GUCY1A2: variants seen among roughly 807,000 people sequenced by gnomAD.
GUCY1A2 encodes the protein guanylate cyclase soluble subunit alpha-2.
A neutral mutation model predicts 63.5 loss-of-function variants in GUCY1A2; 27 were observed. The ratio of observed to expected loss-of-function variants is 0.43; its 90% confidence interval spans 0.31 to 0.59. The LOEUF (loss-of-function observed/expected upper bound fraction) is 0.59. Among genes scored for constraint, GUCY1A2 ranks in the 20% least tolerant of loss-of-function variants. The pLI, the probability that GUCY1A2 is intolerant of heterozygous loss-of-function variation, is 0.11. For missense variants in GUCY1A2, 768 were observed against 913.3 expected, an observed-to-expected ratio of 0.84 and a Z score of 2.05; for synonymous variants, 364 against 343.5, an observed-to-expected ratio of 1.06 and a Z score of -0.66.
rs1858835995 is a variant in GUCY1A2 at position 106,816,633 on chromosome 11, G to C, written c.1207-6155C>G. Among the ~76,000 whole-genome samples, 3 of 150,932 alleles carry C rather than the reference G, an allele frequency of 2.0e-5. No individual in the cohort carries two copies. The South Asian group carries it at 6.3e-4, about 32-fold the overall frequency. On this transcript the variant is annotated intron_variant, in intron 4 of 7. Coordinates refer to ENST00000526355, the MANE Select transcript of GUCY1A2 (RefSeq NM_000855.3). ...GAGGTAATCAATGAAATTACAAACAGGAAAACAATAAAGAAAATGAGCAAA... is the reference window on the plus strand; with the variant it reads ...GAGGTAATCAATGAAATTACAAACACGAAAACAATAAAGAAAATGAGCAAA...
At chr11:107,011,290 C>T (rs1050777316) in intron 1 of GUCY1A2, among the ~76,000 whole-genome samples, 1 of 151,908 alleles carries the variant, frequency 6.6e-6, no homozygotes, top group Non-Finnish European at 1.5e-5. Flanking sequence ...AATGACAGTG[C>T]ATTTATTTTC....
intron 6 of GUCY1A2, among the ~76,000 whole-genome samples, chr11:106,710,179 T>TTATA (rs1204668872): frequency 1.9e-4 from 4 of 21,084 alleles, no homozygotes; most frequent in Admixed American, 1.7e-3. Context: ...TATAATATAG[T>TTATA]TATATATATA....
At chr11:106,703,257 A>G (rs968331622) in intron 7 of GUCY1A2, among the ~76,000 whole-genome samples, 6 of 152,108 alleles carry the variant, frequency 3.9e-5, no homozygotes, top group Non-Finnish European at 7.4e-5. Context: ...ACTCCTTAAT[A>G]AACTCCCCTT....
intron 4 of GUCY1A2, among the ~76,000 whole-genome samples, chr11:106,912,798 G>A (rs553589384): frequency 5.9e-5 from 9 of 152,200 alleles, no homozygotes; most frequent in Non-Finnish European, 1.2e-4. Flanking sequence ...GCCCTTTAAT[G>A]AAACCTTCTG....
At chr11:106,813,750 G>T (rs1003166772) in intron 4 of GUCY1A2, among the ~76,000 whole-genome samples, 1 of 152,036 alleles carries the variant, frequency 6.6e-6, no homozygotes, top group African/African-American at 2.4e-5. Context: ...CAAAGCCTCG[G>T]TTTCCTTATC....
At chr11:106,850,515 C>G (rs369324848) in intron 4 of GUCY1A2, among the ~76,000 whole-genome samples, 157 of 151,850 alleles carry the variant, frequency 1.0e-3, no homozygotes, top group African/African-American at 3.6e-3. Flanking sequence ...ATCCCCTACT[C>G]TTCCCAACCT....
At chr11:106,923,585 AT>A (rs5794505) in intron 4 of GUCY1A2, among the ~76,000 whole-genome samples, 25 of 152,116 alleles carry the variant, frequency 1.6e-4, no homozygotes, top group African/African-American at 5.1e-4. Context: ...TATTGCAGCA[AT>A]TTTTTTTAAA....
In GUCY1A2 at chr11:106,949,710, C is replaced by T. The variant is rs1335857211; in HGVS notation, c.488-9532G>A. ...TTGAAGAAGAAAAAGGAAATGTCAA[C>T]TAGGCCACCAAAAAAGAGTAGATAG... On this transcript the variant is annotated intron_variant, in intron 3 of 7. Transcript: ENST00000526355. Among the ~76,000 whole-genome samples, 3 of 152,140 alleles carry T rather than the reference C, an allele frequency of 2.0e-5. No homozygotes were observed. In the East Asian group the frequency reaches 5.8e-4, roughly 29 times the overall value.
chr11:106,964,296 T>C (rs1861098765), intron 3 of GUCY1A2, among the ~76,000 whole-genome samples: 1 of 152,232 alleles, frequency 6.6e-6, no homozygotes, highest in Admixed American at 6.5e-5. Context: ...TTTAGTTTCC[T>C]TTCTTCAAGA....
intron 1 of GUCY1A2, among the ~76,000 whole-genome samples, chr11:106,987,525 G>A (rs1360977094): frequency 3.9e-5 from 6 of 152,072 alleles, no homozygotes; most frequent in Non-Finnish European, 5.9e-5. Flanking sequence ...GGTGGTACAT[G>A]CCTGTAGTCC....
chr11:106,994,200 G>T (rs1861506455), intron 1 of GUCY1A2, among the ~76,000 whole-genome samples: 1 of 152,054 alleles, frequency 6.6e-6, no homozygotes, highest in Admixed American at 6.5e-5. Flanking sequence ...AAACCACAGT[G>T]GTTATCATCA....
At chr11:106,873,488 T>C (rs1426816710) in intron 4 of GUCY1A2, among the ~76,000 whole-genome samples, 1 of 152,308 alleles carries the variant, frequency 6.6e-6, no homozygotes, top group Admixed American at 6.5e-5. Flanking sequence ...GGTATCTCAG[T>C]GTGGTTTTGA....
At chr11:106,798,358 C>A (rs1180689362) in intron 5 of GUCY1A2, among the ~76,000 whole-genome samples, 1 of 152,144 alleles carries the variant, frequency 6.6e-6, no homozygotes, top group Non-Finnish European at 1.5e-5. Flanking sequence ...GGTACCATTC[C>A]TTCTGAAACT....
At chr11:106,843,905 A>G (rs1859235550) in intron 4 of GUCY1A2, among the ~76,000 whole-genome samples, 1 of 151,858 alleles carries the variant, frequency 6.6e-6, no homozygotes, top group Non-Finnish European at 1.5e-5. Flanking sequence ...GTTGACTCTC[A>G]CCACCATAGG....
intron 6 of GUCY1A2, among the ~76,000 whole-genome samples, chr11:106,774,293 G>A (rs1864315905): frequency 6.6e-6 from 1 of 151,758 alleles, no homozygotes; most frequent in South Asian, 2.1e-4. Context: ...CACCACACCT[G>A]GCTAATTTTT....
At chr11:106,751,854 G>T (rs538421829) in intron 6 of GUCY1A2, among the ~76,000 whole-genome samples, 1 of 151,940 alleles carries the variant, frequency 6.6e-6, no homozygotes, top group East Asian at 1.9e-4. Context: ...ATTAACAAAC[G>T]TATATCAGGA....
intron 4 of GUCY1A2, among the ~76,000 whole-genome samples, chr11:106,893,355 A>G (rs1001568423): frequency 2.0e-5 from 3 of 152,214 alleles, no homozygotes; most frequent in African/African-American, 7.2e-5. Context: ...ACAAAATTTC[A>G]TGGAAGGAAA....
At chr11:106,831,281 T>G (rs1859047001) in intron 4 of GUCY1A2, among the ~76,000 whole-genome samples, 1 of 152,198 alleles carries the variant, frequency 6.6e-6, no homozygotes, top group Non-Finnish European at 1.5e-5. Context: ...TTTGTCTTTC[T>G]AGACATTCCC....
At chr11:106,899,099 A>G (rs1156805410) in intron 4 of GUCY1A2, among the ~76,000 whole-genome samples, 1 of 152,188 alleles carries the variant, frequency 6.6e-6, no homozygotes, top group Admixed American at 6.5e-5. Context: ...ACCTTTAAAA[A>G]TTAAAATTTT....
Sources: gnomAD v4.1 joint callset for allele counts (sites outside exome capture counted in the v4.1 genomes callset) on GRCh38, gnomAD v4.1.1 for gene constraint, MANE v1.5 for transcripts, NCBI Gene and HGNC (gene_info 2026-07-23, HGNC 2026-07-21) for gene names.